Variants in PCOLCE2 observed in about 807,000 individuals in gnomAD.
The protein encoded by PCOLCE2 is procollagen C-endopeptidase enhancer 2.
Under a neutral mutation model 47.0 loss-of-function variants are expected in PCOLCE2, and 42 were observed. The observed-to-expected ratio is 0.89, with a 90% CI of 0.70 to 1.16. PCOLCE2 has a LOEUF of 1.16. PCOLCE2 is among the 50% of genes most tolerant of loss of function. The pLI is 0.00. For missense variants in PCOLCE2, 500 were observed against 526.1 expected (o/e 0.95, Z 0.49); for synonymous variants, 169 against 191.7 (o/e 0.88, Z 0.98).
intron 2 of PCOLCE2, among the ~76,000 whole-genome samples, chr3:142,855,655 T>C (rs936125751): frequency 6.6e-6 from 1 of 152,184 alleles, no homozygotes; most frequent in Non-Finnish European, 1.5e-5. Context: ...GTTGGGGCCA[T>C]GAGTCTGGGT....
intron 2 of PCOLCE2, among the ~76,000 whole-genome samples, chr3:142,867,191 T>G (rs1171963381): frequency 6.6e-6 from 1 of 152,120 alleles, no homozygotes; most frequent in Non-Finnish European, 1.5e-5. Context: ...TAGACCTCCC[T>G]CTGTAGAGGG....
intron 2 of PCOLCE2, among the ~76,000 whole-genome samples, chr3:142,886,293 T>C (rs1933717079): frequency 6.6e-6 from 1 of 152,206 alleles, no homozygotes; most frequent in Admixed American, 6.5e-5. Context: ...TGGCCAACCA[T>C]GAATTTCTAC....
intron 5 of PCOLCE2, among the ~76,000 whole-genome samples, chr3:142,835,792 C>T (rs549212303): frequency 2.0e-5 from 3 of 152,064 alleles, no homozygotes; most frequent in African/African-American, 7.2e-5. Flanking sequence ...CAGGTGCATG[C>T]CACCATTCCC....
chr3:142,885,415 C>T (rs984677665), intron 2 of PCOLCE2, among the ~76,000 whole-genome samples: 1 of 152,178 alleles, frequency 6.6e-6, no homozygotes, highest in Non-Finnish European at 1.5e-5. Flanking sequence ...GAACACTATT[C>T]TTGGTTTACT....
chr3:142,824,934 T>C (rs1937057535), intron 6 of PCOLCE2, among the ~76,000 whole-genome samples: 1 of 152,210 alleles, frequency 6.6e-6, no homozygotes, highest in Non-Finnish European at 1.5e-5. Context: ...AGCCTATTTA[T>C]ATACTCTTAA....
chr3:142,856,637 G>A (rs1013716580), intron 2 of PCOLCE2, among the ~76,000 whole-genome samples: 5 of 152,240 alleles, frequency 3.3e-5, no homozygotes, highest in East Asian at 3.8e-4. Flanking sequence ...TAAGGTAGAT[G>A]CAGCAGGATG....
intron 2 of PCOLCE2, among the ~76,000 whole-genome samples, chr3:142,886,938 C>T (rs7648216): frequency 0.82 from 124,084 of 152,188 alleles, 51,085 homozygotes; most frequent in African/African-American, 0.92. Flanking sequence ...AGTGAACCAA[C>T]GTATTCAATT....
chr3:142,886,353 C>T (rs1313152379), intron 2 of PCOLCE2, among the ~76,000 whole-genome samples: 1 of 150,988 alleles, frequency 6.6e-6, no homozygotes, highest in Admixed American at 6.6e-5. Flanking sequence ...TCGTTTAAAA[C>T]TTATGGCCAT....
chr3:142,833,117 C>G (rs561163485), intron 5 of PCOLCE2, among the ~76,000 whole-genome samples: 1 of 152,050 alleles, frequency 6.6e-6, no homozygotes, highest in Non-Finnish European at 1.5e-5. Context: ...CATCACTATG[C>G]GATATATTGT....
chr3:142,828,102 C>T (rs1360700783), intron 6 of PCOLCE2, among the ~76,000 whole-genome samples: 4 of 152,204 alleles, frequency 2.6e-5, no homozygotes, highest in African/African-American at 9.7e-5. Flanking sequence ...AATTCATTCA[C>T]CTGACAGTGG....
At chr3:142,882,926 C>T (rs995327014) in intron 2 of PCOLCE2, among the ~76,000 whole-genome samples, 26 of 151,976 alleles carry the variant, frequency 1.7e-4, no homozygotes, top group African/African-American at 6.0e-4. Flanking sequence ...TTAGGCAGGG[C>T]GCAGTAGCTC....
At chr3:142,870,169 A>T (rs1253064019) in intron 2 of PCOLCE2, among the ~76,000 whole-genome samples, 1 of 152,224 alleles carries the variant, frequency 6.6e-6, no homozygotes, top group Non-Finnish European at 1.5e-5. Context: ...ACAGGCTGTC[A>T]ACGGTGGCAG....
chr3:142,852,470 T>C (rs374872593), intron 2 of PCOLCE2, among the ~76,000 whole-genome samples: 4 of 151,998 alleles, frequency 2.6e-5, no homozygotes, highest in East Asian at 1.9e-4. Flanking sequence ...AACCACGAAA[T>C]TGACTTTTGT....
chr3:142,861,157 G>A (rs1424431873), intron 2 of PCOLCE2, among the ~76,000 whole-genome samples: 1 of 152,206 alleles, frequency 6.6e-6, no homozygotes, highest in Non-Finnish European at 1.5e-5. Context: ...GAACGCTAAA[G>A]GCTTTGCTCC....
intron 7 of PCOLCE2, among the ~76,000 whole-genome samples, chr3:142,822,987 G>GA (rs1937032200): frequency 6.6e-6 from 1 of 152,152 alleles, no homozygotes; most frequent in African/African-American, 2.4e-5. Context: ...CTTTCCACTG[G>GA]AAAAAGCTCT....
rs149612009 is a variant in PCOLCE2, at chr3:142,839,002, C to T, written c.574-96G>A. The T allele has an allele frequency of 1.7e-3, 1,538 of 931,284 alleles. 10 individuals carry two copies. The African/African-American group carries it at 0.018, about 11-fold the overall frequency. 57.7% of individuals were successfully genotyped at this position (931,284 alleles called of 1,614,324 possible). ...CTCTCCCCAGATTTGGAGGATACTACGATTTTCCTTTGTAAAAAAAGTATG... is the reference window on the plus strand; with the variant it reads ...CTCTCCCCAGATTTGGAGGATACTATGATTTTCCTTTGTAAAAAAAGTATG... On this transcript the variant is annotated intron_variant, in intron 4 of 8. Coordinates refer to ENST00000295992, the MANE Select transcript of PCOLCE2 (RefSeq NM_013363.4).
chr3:142,863,313 T>A (rs1933217825), intron 2 of PCOLCE2, among the ~76,000 whole-genome samples: 1 of 152,192 alleles, frequency 6.6e-6, no homozygotes. Flanking sequence ...AGGTTTGATG[T>A]TGTTTTGCTT....
intron 2 of PCOLCE2, among the ~76,000 whole-genome samples, chr3:142,879,405 A>C (rs938514669): frequency 6.6e-6 from 1 of 152,214 alleles, no homozygotes; most frequent in Non-Finnish European, 1.5e-5. Flanking sequence ...TTCAATCAAT[A>C]AAAACACTTG....
At chr3:142,844,257 A>C (rs986325042) in intron 3 of PCOLCE2, among the ~76,000 whole-genome samples, 1 of 152,172 alleles carries the variant, frequency 6.6e-6, no homozygotes, top group African/African-American at 2.4e-5. Flanking sequence ...CTTTTCTGAA[A>C]AACTTCCCAT....
Sources: allele counts gnomAD v4.1 joint callset (sites outside exome capture counted in the v4.1 genomes callset), GRCh38; gene constraint gnomAD v4.1.1; transcripts MANE v1.5; gene names NCBI Gene and HGNC (gene_info 2026-07-23, HGNC 2026-07-21).